Variants in PRCP observed in about 807,000 individuals in gnomAD.
PRCP encodes lysosomal Pro-X carboxypeptidase.
Under a neutral mutation model 54.2 loss-of-function variants are expected in PRCP, and 46 were observed. That is an observed-to-expected ratio of 0.85 (90% confidence interval 0.67 to 1.09). The LOEUF (loss-of-function observed/expected upper bound fraction) is 1.09, where lower values mean the gene tolerates loss of function less well. PRCP is among the 50% of genes least tolerant of loss of function. PRCP has a pLI of 0.00. For missense variants in PRCP, 613 were observed against 596.8 expected (o/e 1.03, Z -0.28); for synonymous variants, 240 against 212.2 (o/e 1.13, Z -1.14).
chr11:82,876,542 G>A (rs1019032349), intron 1 of PRCP, among the ~76,000 whole-genome samples: 2 of 152,142 alleles, frequency 1.3e-5, no homozygotes. Flanking sequence ...GAGACCGGGG[G>A]GAGGTTACTG....
chr11:82,835,945 C>T, intron 8 of PRCP: 1 of 314,834 alleles, frequency 3.2e-6, no homozygotes, highest in South Asian at 2.8e-5. Flanking sequence ...GTAGTCCCAG[C>T]AATTTGGGAG....
intron 1 of PRCP, among the ~76,000 whole-genome samples, chr11:82,864,494 C>T (rs758485920): frequency 1.3e-5 from 2 of 152,194 alleles, no homozygotes; most frequent in Non-Finnish European, 2.9e-5. Flanking sequence ...GAAACCATTC[C>T]GTCTGTGTTG....
At chr11:82,843,756 C>T (rs948024643) in intron 6 of PRCP, among the ~76,000 whole-genome samples, 1 of 152,210 alleles carries the variant, frequency 6.6e-6, no homozygotes, top group Non-Finnish European at 1.5e-5. Context: ...AGTACAACTA[C>T]TGAATATTCT....
In PRCP at chr11:82,824,668, G is replaced by T. The variant is rs1018707172; in HGVS notation, c.*238C>A. ...ACTCCAGTTATGAGGGCCACTGATG[G>T]TGTGGGAGAGCTATCAAGAAGATTC... On this transcript the variant is annotated 3_prime_UTR_variant, in exon 9 of 9. Coordinates refer to ENST00000313010, the MANE Select transcript of PRCP (RefSeq NM_005040.4). The T allele has an allele frequency of 3.2e-5, 16 of 495,422 alleles. No homozygotes were observed. Among genetic ancestry groups the T allele is most frequent in the African/African-American group, 2.5e-4 (13 of 51,648 alleles). The allele number at this position is 495,422 out of a possible 1,614,324, so 30.7% of individuals were successfully genotyped here.
chr11:82,827,379 A>G (rs1244885191), intron 8 of PRCP: 1 of 152,088 alleles, frequency 6.6e-6, no homozygotes, highest in Non-Finnish European at 1.5e-5. Flanking sequence ...CCTCTATGAG[A>G]TTTATCATTT....
At chr11:82,871,094 G>T (rs1001079438) in intron 1 of PRCP, among the ~76,000 whole-genome samples, 3 of 150,940 alleles carry the variant, frequency 2.0e-5, no homozygotes, top group African/African-American at 7.3e-5. Context: ...GGCCTTGAAA[G>T]TTTATATTCT....
intron 8 of PRCP, among the ~76,000 whole-genome samples, chr11:82,833,874 C>T (rs559955291): frequency 7.9e-5 from 12 of 152,262 alleles, no homozygotes; most frequent in African/African-American, 2.6e-4. Context: ...CTTTCTTACA[C>T]TGAGCTAAAA....
chr11:82,895,011 A>C (rs1860086054), intron 1 of PRCP, among the ~76,000 whole-genome samples: 1 of 152,232 alleles, frequency 6.6e-6, no homozygotes, highest in African/African-American at 2.4e-5. Context: ...CCACAAATCT[A>C]TTAAAGTATT....
chr11:82,841,122 C>T (rs902430329), intron 6 of PRCP, among the ~76,000 whole-genome samples: 4 of 115,766 alleles, frequency 3.5e-5, no homozygotes, highest in Non-Finnish European at 7.2e-5. Context: ...AGTCACCCCA[C>T]CTCAGGGAGA....
chr11:82,875,483 C>A (rs1358029784), intron 1 of PRCP, among the ~76,000 whole-genome samples: 1 of 152,176 alleles, frequency 6.6e-6, no homozygotes, highest in African/African-American at 2.4e-5. Context: ...TCCAACTCAA[C>A]CTTGAAAGGT....
chr11:82,900,783 A>T (rs1313410652), upstream of PRCP: 1 of 471,912 alleles, frequency 2.1e-6, no homozygotes, highest in South Asian at 1.5e-5. Flanking sequence ...TATCCCTACC[A>T]TTATCATCAC....
intron 6 of PRCP, among the ~76,000 whole-genome samples, chr11:82,848,574 G>T (rs537084646): frequency 6.6e-6 from 1 of 152,084 alleles, no homozygotes; most frequent in African/African-American, 2.4e-5. Context: ...TGCTGCATGG[G>T]GTCACTCTTC....
chr11:82,886,435 C>T (rs1313011606), intron 1 of PRCP, among the ~76,000 whole-genome samples: 2 of 152,120 alleles, frequency 1.3e-5, no homozygotes, highest in African/African-American at 4.8e-5. Context: ...CAGGTGCACA[C>T]CACCATGCCT....
intron 1 of PRCP, among the ~76,000 whole-genome samples, chr11:82,887,517 T>A (rs1187734415): frequency 6.6e-6 from 1 of 152,238 alleles, no homozygotes; most frequent in African/African-American, 2.4e-5. Flanking sequence ...AAAGTATTGA[T>A]ACTATGTCAA....
chr11:82,828,423 C>T (rs1858295763), intron 8 of PRCP: 1 of 152,186 alleles, frequency 6.6e-6, no homozygotes, highest in African/African-American at 2.4e-5. Flanking sequence ...AGGAAAAAAA[C>T]TGTCACTGAA....
At chr11:82,868,667 T>C (rs1859399210) in intron 1 of PRCP, among the ~76,000 whole-genome samples, 1 of 152,138 alleles carries the variant, frequency 6.6e-6, no homozygotes, top group African/African-American at 2.4e-5. Context: ...TGATGAGCTA[T>C]ACAGAATGAG....
intron 6 of PRCP, among the ~76,000 whole-genome samples, chr11:82,841,053 A>AATATATATATATATAAATAATATATATAT: frequency 7.3e-6 from 1 of 137,886 alleles, no homozygotes; most frequent in South Asian, 2.2e-4. Context: ...TTATATATAT[A>AATATATATATATATAAATAATATATATAT]ATAGACTAGT....
At chr11:82,843,610 T>G (rs1591043450) in intron 6 of PRCP, among the ~76,000 whole-genome samples, 1 of 132,618 alleles carries the variant, frequency 7.5e-6, no homozygotes, top group South Asian at 2.3e-4. Context: ...AACACCCAGG[T>G]ATCCCTGAAC....
intron 1 of PRCP, among the ~76,000 whole-genome samples, chr11:82,899,658 T>C (rs533127344): frequency 2.9e-4 from 43 of 148,626 alleles, no homozygotes; most frequent in African/African-American, 1.0e-3. Context: ...CACCACAAAC[T>C]CCTACAACTC....
Sources: gnomAD v4.1 joint callset for allele counts (sites outside exome capture counted in the v4.1 genomes callset) on GRCh38, gnomAD v4.1.1 for gene constraint, MANE v1.5 for transcripts, NCBI Gene and HGNC (gene_info 2026-07-23, HGNC 2026-07-21) for gene names.